Variants in RASGEF1A observed in about 807,000 individuals in gnomAD.
RASGEF1A encodes ras-GEF domain-containing family member 1A.
Under a neutral mutation model 56.4 loss-of-function variants are expected in RASGEF1A, and 18 were observed. The observed-to-expected ratio is 0.32, with a 90% CI of 0.22 to 0.47. The LOEUF is 0.47. Among genes scored for constraint, RASGEF1A ranks in the 20% least tolerant of loss-of-function variants. RASGEF1A has a pLI of 1.00. For synonymous variants in RASGEF1A, 245 were observed against 242.6 expected (o/e 1.01, Z -0.09); for missense variants, 422 against 627.1 (o/e 0.67, Z 3.49).
At chr10:43,239,627 G>A (rs2133217079) in intron 1 of RASGEF1A, among the ~76,000 whole-genome samples, 1 of 152,314 alleles carries the variant, frequency 6.6e-6, no homozygotes, top group South Asian at 2.1e-4. Flanking sequence ...GCCTTGAAAA[G>A]TAGGACCCCA....
At chr10:43,210,432 C>A (rs546102236) in intron 1 of RASGEF1A, among the ~76,000 whole-genome samples, 26 of 152,322 alleles carry the variant, frequency 1.7e-4, no homozygotes, top group African/African-American at 6.3e-4. Context: ...CCTGATCACA[C>A]CACTGCACTC....
intron 1 of RASGEF1A, among the ~76,000 whole-genome samples, chr10:43,246,749 G>A (rs539733361): frequency 2.4e-4 from 36 of 152,238 alleles, no homozygotes; most frequent in African/African-American, 7.9e-4. Flanking sequence ...TTTGTACCTC[G>A]TACCACATAT....
At chr10:43,264,652 G>T (rs1836592014) in intron 1 of RASGEF1A, among the ~76,000 whole-genome samples, 1 of 151,596 alleles carries the variant, frequency 6.6e-6, no homozygotes, top group Middle Eastern at 3.2e-3. Context: ...AAGGGGGAAG[G>T]GGAGGGAGGG....
chr10:43,227,584 T>C (rs1170886500), intron 1 of RASGEF1A, among the ~76,000 whole-genome samples: 1 of 152,170 alleles, frequency 6.6e-6, no homozygotes, highest in Non-Finnish European at 1.5e-5. Flanking sequence ...AGGGCTGTAC[T>C]GTCCTGAGCC....
At chr10:43,262,264 G>C (rs1465827041) in intron 1 of RASGEF1A, among the ~76,000 whole-genome samples, 2 of 152,166 alleles carry the variant, frequency 1.3e-5, no homozygotes, top group African/African-American at 4.8e-5. Context: ...GCTACTCTTT[G>C]TTAACAGCGT....
intron 1 of RASGEF1A, among the ~76,000 whole-genome samples, chr10:43,230,609 G>A (rs1840353935): frequency 6.6e-6 from 1 of 152,208 alleles, no homozygotes; most frequent in Non-Finnish European, 1.5e-5. Context: ...GGCCGCTAGG[G>A]AGGAGCAGGG....
At chr10:43,200,975 G>T in intron 4 of RASGEF1A, 87 bp from the exon 5 acceptor site, 1 of 1,268,136 alleles carries the variant, frequency 7.9e-7, no homozygotes, top group Non-Finnish European at 1.1e-6. Flanking sequence ...CACCTCCAGG[G>T]ATGTGCCTAA....
At chr10:43,230,293 CG>C (rs1564537613) in intron 1 of RASGEF1A, among the ~76,000 whole-genome samples, 1 of 152,168 alleles carries the variant, frequency 6.6e-6, no homozygotes, top group South Asian at 2.1e-4. Flanking sequence ...CATTGGAACT[CG>C]GGGGACACGG....
chr10:43,197,793 C>A (rs1055034646), intron 10 of RASGEF1A, among the ~76,000 whole-genome samples: 4 of 152,226 alleles, frequency 2.6e-5, no homozygotes, highest in African/African-American at 9.6e-5. Context: ...TGCAACTAGG[C>A]CATCCACCCA....
intron 1 of RASGEF1A, among the ~76,000 whole-genome samples, chr10:43,206,415 A>C (rs762938790): frequency 1.3e-5 from 2 of 152,210 alleles, no homozygotes; most frequent in Non-Finnish European, 2.9e-5. Context: ...AAAAATGTCC[A>C]AGAAGGGACA....
intron 1 of RASGEF1A, among the ~76,000 whole-genome samples, chr10:43,237,556 C>G (rs376887385): frequency 9.2e-5 from 14 of 151,716 alleles, no homozygotes; most frequent in East Asian, 5.8e-4. Flanking sequence ...CCTCTCTTTT[C>G]TTCTTACCTA....
At chr10:43,229,490 GGGAC>G (rs1375958412) in intron 1 of RASGEF1A, 2 of 573,890 alleles carry the variant, frequency 3.5e-6, no homozygotes, top group African/African-American at 3.9e-5. Context: ...TGCTCCAGCG[GGGAC>G]GCACAGAGGG....
intron 1 of RASGEF1A, among the ~76,000 whole-genome samples, chr10:43,264,007 T>C (rs1038935505): frequency 6.6e-6 from 1 of 152,054 alleles, no homozygotes; most frequent in African/African-American, 2.4e-5. Flanking sequence ...GAGCAGCCTC[T>C]ACCAGCCTGT....
intron 1 of RASGEF1A, among the ~76,000 whole-genome samples, chr10:43,245,861 T>C (rs1003820846): frequency 8.5e-5 from 13 of 152,180 alleles, no homozygotes; most frequent in African/African-American, 2.9e-4. Flanking sequence ...AAAACAAATA[T>C]GTCTGCTCTT....
intron 1 of RASGEF1A, among the ~76,000 whole-genome samples, chr10:43,223,687 A>G (rs931738038): frequency 1.7e-4 from 26 of 152,362 alleles, no homozygotes; most frequent in Admixed American, 1.6e-3. Context: ...TTGAAAACAC[A>G]GATTTCAAGG....
chr10:43,208,567 T>C, intron 1 of RASGEF1A: 1 of 985,536 alleles, frequency 1.0e-6, no homozygotes, highest in Non-Finnish European at 1.2e-6. Context: ...CAGAATCCCT[T>C]TGGGGAGTCA....
rs369758023 is a variant in RASGEF1A, at chr10:43,237,823, G to C, written c.-7+29022C>G. On this transcript the variant is annotated intron_variant, in intron 1 of 12. Coordinates refer to ENST00000395810, the MANE Select transcript of RASGEF1A (RefSeq NM_145313.4). ...CATCCCAGCATGGCCCCAGCACATA[G>C]ACCACAGAGCTTCTCTGCCTGAATG... Among the ~76,000 whole-genome samples the C allele has an allele frequency of 4.9e-4, 75 of 152,264 alleles. 1 individual carries two copies. The South Asian group carries it at 0.015, about 29-fold the overall frequency.
At chr10:43,256,456 G>T (rs982042626) in intron 1 of RASGEF1A, among the ~76,000 whole-genome samples, 12 of 152,198 alleles carry the variant, frequency 7.9e-5, no homozygotes, top group Non-Finnish European at 1.6e-4. Flanking sequence ...GGGCTGGTTG[G>T]GGGTGGAGGG....
At chr10:43,238,119 A>G (rs1840456036) in intron 1 of RASGEF1A, among the ~76,000 whole-genome samples, 1 of 151,266 alleles carries the variant, frequency 6.6e-6, no homozygotes, top group African/African-American at 2.4e-5. Context: ...GGTGCTGCAG[A>G]TTGAGACCTG....
Sources: allele counts gnomAD v4.1 joint callset (sites outside exome capture counted in the v4.1 genomes callset), GRCh38; gene constraint gnomAD v4.1.1; transcripts MANE v1.5; gene names NCBI Gene and HGNC (gene_info 2026-07-23, HGNC 2026-07-21).